The following TAFA2 variants were observed in gnomAD, a reference collection of about 807,000 sequenced individuals.
TAFA2 encodes TAFA chemokine like family member 2.
Under a neutral mutation model 18.8 loss-of-function variants are expected in TAFA2, and 7 were observed. That is an observed-to-expected ratio of 0.37 (90% CI 0.21 to 0.70). The LOEUF (loss-of-function observed/expected upper bound fraction) is 0.70. TAFA2 is among the 30% of genes least tolerant of loss of function. The pLI, the probability that TAFA2 is intolerant of heterozygous loss-of-function variation, is 0.53. For synonymous variants in TAFA2, 60 were observed against 54.2 expected (o/e 1.11, Z -0.47); for missense variants, 122 against 158.1 (o/e 0.77, Z 1.23).
chr12:61,918,311 C>T (rs1876914405), intron 1 of TAFA2, among the ~76,000 whole-genome samples: 1 of 152,072 alleles, frequency 6.6e-6, no homozygotes, highest in South Asian at 2.1e-4. Flanking sequence ...ACCCGCACAC[C>T]CCAACTACCC....
At chr12:62,180,227 G>C (rs974556977) in intron 1 of TAFA2, among the ~76,000 whole-genome samples, 10 of 152,162 alleles carry the variant, frequency 6.6e-5, no homozygotes, top group Non-Finnish European at 1.0e-4. Flanking sequence ...TTGCATTGGG[G>C]AAGAAGAATA....
At chr12:61,779,074 G>A (rs1383391806) in intron 2 of TAFA2, among the ~76,000 whole-genome samples, 3 of 151,876 alleles carry the variant, frequency 2.0e-5, no homozygotes, top group Non-Finnish European at 2.9e-5. Flanking sequence ...AATAAGCCCT[G>A]CTGGAAAACA....
At chr12:61,774,615 T>C (rs968272591) in intron 2 of TAFA2, among the ~76,000 whole-genome samples, 32 of 151,620 alleles carry the variant, frequency 2.1e-4, no homozygotes, top group African/African-American at 7.5e-4. Flanking sequence ...GGAAGCTAAG[T>C]TATGAGGACA....
At chr12:61,720,075 T>G (rs1219698297) in intron 4 of TAFA2, among the ~76,000 whole-genome samples, 2 of 152,168 alleles carry the variant, frequency 1.3e-5, no homozygotes, top group Admixed American at 1.3e-4. Context: ...ATGTAATTCT[T>G]TTTGGACTTT....
chr12:61,754,831 C>T lies in TAFA2; in HGVS notation c.259+41G>A, dbSNP rs369324865. The T allele has an allele frequency of 4.1e-4, 658 of 1,604,392 alleles. 1 individual carries two copies. Among genetic ancestry groups the T allele is most frequent in the Non-Finnish European group, 5.3e-4 (623 of 1,175,074 alleles). On this transcript the variant is annotated intron_variant, in intron 3 of 4. Transcript: ENST00000416284. ...AGTGGGGTTCTAGTTCTAAGCCATCCTTGGCTGTGCTGTTACAATAAGGAA... is the reference window on the plus strand; with the variant it reads ...AGTGGGGTTCTAGTTCTAAGCCATCTTTGGCTGTGCTGTTACAATAAGGAA...
chr12:62,137,969 C>T (rs1160244142), intron 1 of TAFA2, among the ~76,000 whole-genome samples: 1 of 152,124 alleles, frequency 6.6e-6, no homozygotes, highest in Non-Finnish European at 1.5e-5. Flanking sequence ...TGTCTAGCCT[C>T]ATTAGCCTGC....
chr12:61,963,550 G>GT (rs1401435196), intron 1 of TAFA2, among the ~76,000 whole-genome samples: 3 of 151,626 alleles, frequency 2.0e-5, no homozygotes, highest in Non-Finnish European at 2.9e-5. Context: ...GTTGTTTAGG[G>GT]TTTTTTTGTA....
At chr12:61,808,109 T>A (rs945814480) in intron 2 of TAFA2, among the ~76,000 whole-genome samples, 2 of 151,668 alleles carry the variant, frequency 1.3e-5, no homozygotes, top group Non-Finnish European at 2.9e-5. Context: ...GTGTTCCCAC[T>A]GAAATCTCAT....
chr12:62,162,569 A>G (rs1341118137), intron 1 of TAFA2, among the ~76,000 whole-genome samples: 1 of 152,102 alleles, frequency 6.6e-6, no homozygotes, highest in African/African-American at 2.4e-5. Context: ...CTTTGTAAAG[A>G]GGTTTTCTGG....
At chr12:61,913,210 G>T (rs1365587509) in intron 1 of TAFA2, among the ~76,000 whole-genome samples, 11 of 152,096 alleles carry the variant, frequency 7.2e-5, no homozygotes, top group Admixed American at 7.2e-4. Flanking sequence ...GGGAAAGAAG[G>T]TGTTAAGAAA....
intron 1 of TAFA2, among the ~76,000 whole-genome samples, chr12:62,053,568 A>G (rs910559921): frequency 5.9e-5 from 9 of 152,198 alleles, no homozygotes; most frequent in Non-Finnish European, 1.0e-4. Flanking sequence ...CGTATTGTTT[A>G]CTAAAAACTT....
At chr12:62,201,552 A>G (rs2359736) in intron 1 of TAFA2, among the ~76,000 whole-genome samples, 25,612 of 152,208 alleles carry the variant, frequency 0.17, 2,346 homozygotes, top group African/African-American at 0.25. Context: ...ATTGATTTGC[A>G]TATGTTGAAC....
intron 1 of TAFA2, among the ~76,000 whole-genome samples, chr12:62,093,622 A>G (rs1227137676): frequency 1.3e-5 from 2 of 152,066 alleles, no homozygotes; most frequent in Non-Finnish European, 2.9e-5. Flanking sequence ...TTCCCCTCAC[A>G]GTGATAACCT....
rs115484754 is a variant in TAFA2, at chr12:62,141,556, T to G, written c.-2+49703A>C. On this transcript the variant is annotated intron_variant, in intron 1 of 4. Transcript: ENST00000416284. ...AAAGAATTTTGCCTGACATTTTGAC[T>G]GCTATTTCAGTGTTTAAATTTTACT... Among the ~76,000 whole-genome samples, 1,497 of 152,284 alleles carry G rather than the reference T, an allele frequency of 9.8e-3. 20 individuals carry two copies. The highest frequency in any genetic ancestry group is 0.033 in the African/African-American group (1,385 of 41,538).
intron 1 of TAFA2, among the ~76,000 whole-genome samples, chr12:61,898,851 T>G (rs1294395536): frequency 6.6e-6 from 1 of 152,228 alleles, no homozygotes; most frequent in East Asian, 1.9e-4. Flanking sequence ...GTTTTTCTTT[T>G]CTATTACATC....
At chr12:62,113,810 C>T (rs1408015185) in intron 1 of TAFA2, among the ~76,000 whole-genome samples, 2 of 152,184 alleles carry the variant, frequency 1.3e-5, no homozygotes, top group African/African-American at 4.8e-5. Flanking sequence ...AAACCACCTA[C>T]TCAAGCCTCA....
intron 1 of TAFA2, among the ~76,000 whole-genome samples, chr12:62,111,549 T>C (rs931471333): frequency 6.6e-6 from 1 of 152,198 alleles, no homozygotes; most frequent in Non-Finnish European, 1.5e-5. Context: ...CCTTGTTAAT[T>C]TTCTGTCTCA....
At chr12:61,833,071 T>G (rs1872779236) in intron 2 of TAFA2, among the ~76,000 whole-genome samples, 1 of 147,080 alleles carries the variant, frequency 6.8e-6, no homozygotes, top group Admixed American at 6.9e-5. Flanking sequence ...TATATATACA[T>G]ATATAAATAT....
chr12:62,027,060 C>A (rs576624594), intron 1 of TAFA2, among the ~76,000 whole-genome samples: 2 of 152,212 alleles, frequency 1.3e-5, no homozygotes, highest in African/African-American at 2.4e-5. Flanking sequence ...ACTATTTCTA[C>A]AATAATTATT....
Sources: gnomAD v4.1 joint callset for allele counts (sites outside exome capture counted in the v4.1 genomes callset) on GRCh38, gnomAD v4.1.1 for gene constraint, MANE v1.5 for transcripts, NCBI Gene and HGNC (gene_info 2026-07-23, HGNC 2026-07-21) for gene names.